Variants in SLC25A30 observed in about 807,000 individuals in gnomAD.
The protein encoded by SLC25A30 is kidney mitochondrial carrier protein 1.
Under a neutral mutation model 42.7 loss-of-function variants are expected in SLC25A30, and 29 were observed. That is an observed-to-expected ratio of 0.68 (90% CI 0.51 to 0.93). The LOEUF (loss-of-function observed/expected upper bound fraction) is 0.93, where lower values mean the gene tolerates loss of function less well. Ranked by LOEUF, SLC25A30 falls within the 40% of genes least tolerant of loss-of-function variation. The pLI, the probability that SLC25A30 is intolerant of heterozygous loss-of-function variation, is 0.00. For synonymous variants in SLC25A30, 124 were observed against 131.0 expected (o/e 0.95, Z 0.37); for missense variants, 300 against 359.7 (o/e 0.83, Z 1.34).
intron 5 of SLC25A30, 91 bp from the exon 6 acceptor site, chr13:45,402,461 C>A: frequency 9.6e-7 from 1 of 1,039,422 alleles, no homozygotes. Context: ...GTCCGTCAGT[C>A]AGTTGCTTAA....
At chr13:45,418,840 C>A (rs965670746), upstream of SLC25A30, 3 of 149,132 alleles carry the variant, frequency 2.0e-5, no homozygotes, top group African/African-American at 7.4e-5. Context: ...ACTTGGGTGG[C>A]TGAGGCAGAA....
intron 3 of SLC25A30, among the ~76,000 whole-genome samples, chr13:45,407,695 A>C (rs980630860): frequency 3.3e-5 from 5 of 152,196 alleles, no homozygotes; most frequent in Non-Finnish European, 7.3e-5. Flanking sequence ...ATAGGGTCCC[A>C]CACTGAACTA....
At chr13:45,425,609 C>CAT in the SLC25A30 span, among the ~76,000 whole-genome samples, 271 of 27,144 alleles carry the variant, frequency 1.0e-2, 46 homozygotes, top group African/African-American at 0.04. Context: ...TATATATATA[C>CAT]ATATATAAAT....
At chr13:45,423,304 A>G (rs970496977), upstream of SLC25A30, among the ~76,000 whole-genome samples, 2 of 151,872 alleles carry the variant, frequency 1.3e-5, no homozygotes, top group Middle Eastern at 6.8e-3. Flanking sequence ...CACTAGACAC[A>G]ATAGTAAGAA....
chr13:45,431,572 A>AC, the SLC25A30 span, among the ~76,000 whole-genome samples: 18 of 18 alleles, frequency 1, 9 homozygotes, highest in Non-Finnish European at 1. Context: ...TTTATTAGAG[A>AC]TGGGTTTCAC....
At chr13:45,431,092 G>C in the SLC25A30 span, among the ~76,000 whole-genome samples, 6 of 152,218 alleles carry the variant, frequency 3.9e-5, no homozygotes, top group Admixed American at 1.3e-4. Flanking sequence ...TTGTTGCCCA[G>C]GCTGGAGTGC....
intron 1 of SLC25A30, among the ~76,000 whole-genome samples, chr13:45,414,214 C>A (rs556921944): frequency 6.6e-6 from 1 of 152,138 alleles, no homozygotes; most frequent in Non-Finnish European, 1.5e-5. Flanking sequence ...AGGACTAGAT[C>A]CCTAAGCAGT....
chr13:45,425,541 T>TATATATATATATAAGTATATATATAA, the SLC25A30 span, among the ~76,000 whole-genome samples: 1 of 58,650 alleles, frequency 1.7e-5, no homozygotes. Flanking sequence ...TGTATAAGTA[T>TATATATATATATAAGTATATATATAA]ATATATATAA....
At chr13:45,425,313 T>C in the SLC25A30 span, among the ~76,000 whole-genome samples, 1 of 108,012 alleles carries the variant, frequency 9.3e-6, no homozygotes, top group East Asian at 2.5e-4. Context: ...TATATAAATA[T>C]ATATGTATAT....
chr13:45,414,722 T>C (rs1421478752), intron 1 of SLC25A30, among the ~76,000 whole-genome samples: 1 of 151,958 alleles, frequency 6.6e-6, no homozygotes, highest in Non-Finnish European at 1.5e-5. Flanking sequence ...TCCACTAAGC[T>C]GTACTGGCCA....
At chr13:45,402,939 A>C in intron 5 of SLC25A30, 1 of 371,830 alleles carries the variant, frequency 2.7e-6, no homozygotes, top group South Asian at 1.1e-4. Flanking sequence ...TCCAACATAA[A>C]AAGAATGTTT....
Position 45,408,949 on chromosome 13 carries a change from C to T in SLC25A30, c.190G>A (p.Gly64Arg). Residue 64 changes from glycine to arginine, a missense_variant, in exon 3 of 10, where the codon GGG becomes AGG. Physicochemically the swap from Gly to Arg is moderately radical, Grantham distance 125. Coordinates refer to ENST00000519676, the MANE Select transcript of SLC25A30 (RefSeq NM_001010875.4). ...CACCCCGAGTAGAGTGCTTTCAGCC[C>T]TTCTTCTCTGCCTATCCTCACTAAT... The part of the protein sequence containing the change: ...HALVRIGREE[G>R]LKALYSGIAP... 2 of 1,609,772 alleles carry T rather than the reference C, an allele frequency of 1.2e-6. No homozygotes were observed. The highest frequency in any genetic ancestry group is 1.3e-5 in the African/African-American group (1 of 74,800).
intron 1 of SLC25A30, among the ~76,000 whole-genome samples, chr13:45,416,757 G>C (rs1464896315): frequency 1.3e-5 from 2 of 152,198 alleles, no homozygotes; most frequent in Non-Finnish European, 2.9e-5. Context: ...CTGGGTGACA[G>C]AGCAAGACCC....
the SLC25A30 span, among the ~76,000 whole-genome samples, chr13:45,429,996 A>G: frequency 6.6e-6 from 1 of 152,118 alleles, no homozygotes; most frequent in African/African-American, 2.4e-5. Flanking sequence ...TTGATACTTT[A>G]TACTTCTAAT....
chr13:45,411,381 G>A lies in SLC25A30; in HGVS notation c.45C>T (p.Ala15=). The A allele has an allele frequency of 6.2e-7, 1 of 1,614,062 alleles. No individual in the cohort carries two copies. Among genetic ancestry groups the A allele is most frequent in the Non-Finnish European group, 8.5e-7 (1 of 1,179,942 alleles). Residue 15 remains alanine, a synonymous_variant, in exon 2 of 10, where the codon GCC becomes GCT. Transcript: ENST00000519676. Reference sequence around the variant, plus strand: ...CCTTACCGCACTCAGCAGTGATGGAGGCCAGCCCCCCGTACACAAACGGCT... The same window carrying A: ...CCTTACCGCACTCAGCAGTGATGGAAGCCAGCCCCCCGTACACAAACGGCT... The part of the protein sequence containing the change: ...NWKPFVYGGL[A]SITAECGTFP...
At chr13:45,412,782 G>A (rs574050856) in intron 1 of SLC25A30, among the ~76,000 whole-genome samples, 1 of 152,200 alleles carries the variant, frequency 6.6e-6, no homozygotes, top group East Asian at 1.9e-4. Flanking sequence ...CACAGCTAAG[G>A]CCTTTCACAT....
intron 5 of SLC25A30, chr13:45,402,926 G>T (rs112136792): frequency 1.2e-5 from 5 of 430,752 alleles, no homozygotes; most frequent in African/African-American, 1.1e-4. Context: ...ACATGACCAA[G>T]ATTCCAACAT....
chr13:45,423,809 TATAA>T, the SLC25A30 span, among the ~76,000 whole-genome samples: 7 of 42,568 alleles, frequency 1.6e-4, no homozygotes, highest in African/African-American at 5.2e-4. Context: ...TATTTATATA[TATAA>T]AAATATAAAT....
chr13:45,423,823 T>C, the SLC25A30 span, among the ~76,000 whole-genome samples: 1 of 74,720 alleles, frequency 1.3e-5, no homozygotes, highest in African/African-American at 6.1e-5. Context: ...AAAATATAAA[T>C]ATATATTTAT....
Sources: gnomAD v4.1 joint callset for allele counts (sites outside exome capture counted in the v4.1 genomes callset) on GRCh38, gnomAD v4.1.1 for gene constraint, MANE v1.5 for transcripts, NCBI Gene and HGNC (gene_info 2026-07-23, HGNC 2026-07-21) for gene names.